The following UBAP2L variants were observed in gnomAD, a reference collection of about 807,000 sequenced individuals.
The protein encoded by UBAP2L is ubiquitin-associated protein 2-like.
Under a neutral mutation model 130.6 loss-of-function variants are expected in UBAP2L, and 12 were observed. That is an observed-to-expected ratio of 0.09 (90% confidence interval 0.06 to 0.15). UBAP2L has a LOEUF of 0.15. UBAP2L is among the 10% of genes least tolerant of loss of function. The pLI is 1.00. For missense variants in UBAP2L, 965 were observed against 1,332.5 expected, an observed-to-expected ratio of 0.72 and a Z score of 4.29; for synonymous variants, 503 against 524.7, an observed-to-expected ratio of 0.96 and a Z score of 0.57.
At position 154,228,487 on chromosome 1, in the gene UBAP2L, C is replaced by T. The variant is rs1668720559; in HGVS notation, c.169-128C>T. 2.1e-5 allele frequency: 14 copies of T among 657,598 alleles called. No individual in the cohort carries two copies. The South Asian group carries it at 2.4e-4, about 11-fold the overall frequency. 40.7% of individuals were successfully genotyped at this position (657,598 alleles called of 1,614,324 possible). On this transcript the variant is annotated intron_variant, in intron 3 of 26. Coordinates refer to ENST00000428931, the MANE Select transcript of UBAP2L (RefSeq NM_014847.4). ...TAGGCGTGAGCCACTGTGCCCAGCC[C>T]TCATCTTTTGCTTTTTAAACTTGTT...
chr1:154,269,268 C>A, intron 26 of UBAP2L: 1 of 1,260,706 alleles, frequency 7.9e-7, no homozygotes, highest in Middle Eastern at 1.9e-4. Flanking sequence ...CCAGCCTTCC[C>A]TCTTCCCTGA....
rs1443908596 is a variant in UBAP2L at position 154,268,737 on chromosome 1, C to T, written c.2971-20C>T. 6.2e-7 allele frequency: 1 copy of T among 1,613,260 alleles called. No individual in the cohort carries two copies. The highest frequency in any genetic ancestry group is 8.5e-7 in the Non-Finnish European group (1 of 1,179,570). On this transcript the variant is annotated intron_variant, in intron 25 of 26. Transcript: ENST00000428931. ...TTTGCTGATCCCTTTTACTCTGTCTCCTCCTGGCCTCCTGGATAGCAGTCC... is the reference window on the plus strand; with the variant it reads ...TTTGCTGATCCCTTTTACTCTGTCTTCTCCTGGCCTCCTGGATAGCAGTCC...
intron 12 of UBAP2L, among the ~76,000 whole-genome samples, chr1:154,250,145 T>C (rs538328172): frequency 1.5e-4 from 23 of 152,164 alleles, no homozygotes; most frequent in Non-Finnish European, 2.9e-4. Flanking sequence ...GGCTCACTCA[T>C]CTTCCTGGGC....
intron 22 of UBAP2L, among the ~76,000 whole-genome samples, chr1:154,260,687 T>C (rs955631731): frequency 2.0e-5 from 3 of 152,222 alleles, no homozygotes; most frequent in East Asian, 1.9e-4. Flanking sequence ...TGCACAGTTA[T>C]TCAACATTAG....
At chr1:154,234,432 T>C (rs1430092403) in intron 4 of UBAP2L, among the ~76,000 whole-genome samples, 159 bp from the exon 5 acceptor site, 1 of 151,956 alleles carries the variant, frequency 6.6e-6, no homozygotes, top group East Asian at 1.9e-4. Context: ...GTGATATGTA[T>C]AAAATATTTA....
chr1:154,261,253 G>A (rs1681438569), intron 23 of UBAP2L, 144 bp downstream of exon 23: 1 of 992,570 alleles, frequency 1.0e-6, no homozygotes, highest in Non-Finnish European at 1.5e-6. Context: ...CTGATGCAGG[G>A]TGGTGGGGGA....
intron 12 of UBAP2L, among the ~76,000 whole-genome samples, 168 bp downstream of exon 12, chr1:154,249,605 G>A (rs1676794320): frequency 6.6e-6 from 1 of 152,122 alleles, no homozygotes; most frequent in Non-Finnish European, 1.5e-5. Context: ...AATTCAAGAA[G>A]TTGGGGAATA....
intron 4 of UBAP2L, among the ~76,000 whole-genome samples, chr1:154,233,651 C>CTGTGTGTGTGTGTG (rs61695071): frequency 1.4e-4 from 20 of 146,080 alleles, no homozygotes; most frequent in African/African-American, 5.2e-4. Context: ...AATGAAATTG[C>CTGTGTGTGTGTGTG]TGTGTGTGTG....
intron 16 of UBAP2L, 94 bp downstream of exon 16, chr1:154,254,984 AC>A: frequency 6.8e-7 from 1 of 1,464,694 alleles, no homozygotes; most frequent in Non-Finnish European, 9.3e-7. Context: ...GACAATTGAG[AC>A]CCATGCTGTG....
chr1:154,225,007 TG>T, intron 1 of UBAP2L, 76 bp from the exon 2 acceptor site: 2 of 807,272 alleles, frequency 2.5e-6, no homozygotes, highest in Non-Finnish European at 4.0e-6. Flanking sequence ...AAGTGTTTGG[TG>T]GTGAAGGTGC....
At chr1:154,224,104 C>A (rs978143254) in intron 1 of UBAP2L, among the ~76,000 whole-genome samples, 3 of 152,174 alleles carry the variant, frequency 2.0e-5, no homozygotes, top group African/African-American at 7.2e-5. Context: ...TAGAATCCTT[C>A]CTTGTTAGAA....
Position 154,270,307 on chromosome 1 carries a change from T to C in UBAP2L, c.*12T>C. Reference sequence around the variant, plus strand: ...GGGGGGCCAACTGAGGCCCTGACCCTCTTCTCCCGGTCCCATCTTCTGAGA... The same window carrying C: ...GGGGGGCCAACTGAGGCCCTGACCCCCTTCTCCCGGTCCCATCTTCTGAGA... On this transcript the variant is annotated 3_prime_UTR_variant, in exon 27 of 27. Coordinates refer to ENST00000428931, the MANE Select transcript of UBAP2L (RefSeq NM_014847.4). The C allele has an allele frequency of 6.2e-7, 1 of 1,613,842 alleles. No homozygotes were observed. Among genetic ancestry groups the C allele is most frequent in the Non-Finnish European group, 8.5e-7 (1 of 1,179,926 alleles).
chr1:154,234,939 C>A, intron 5 of UBAP2L, 180 bp downstream of exon 5: 1 of 790,578 alleles, frequency 1.3e-6, no homozygotes, highest in Non-Finnish European at 2.0e-6. Context: ...CAACTGCCAC[C>A]AGTCTGGCAT....
At chr1:154,268,188 C>CT (rs531122983) in intron 25 of UBAP2L, among the ~76,000 whole-genome samples, 41 of 149,440 alleles carry the variant, frequency 2.7e-4, no homozygotes, top group African/African-American at 7.4e-4. Flanking sequence ...TGCGCCCAGC[C>CT]TTTTTTTTTC....
Position 154,246,535 on chromosome 1 carries a change from G to C in UBAP2L, c.1014+160G>C, listed in dbSNP as rs1011076853. Among the ~76,000 whole-genome samples, 244 of 152,220 alleles carry C rather than the reference G, an allele frequency of 1.6e-3. 1 individual carries two copies. The highest frequency in any genetic ancestry group is 6.3e-3 in the Admixed American group (96 of 15,290). ...AGAAATGTTTGAGTTGGGTAATAGG[G>C]GGTAGCTCTAAGAGAGGACTTAGTT... On this transcript the variant is annotated intron_variant, in intron 11 of 26. Transcript: ENST00000428931.
In UBAP2L at chr1:154,236,448, C is replaced by G. The variant is rs982311890; in HGVS notation, c.545-118C>G. The G allele has an allele frequency of 1.7e-5, 18 of 1,056,580 alleles. No individual in the cohort carries two copies. In the African/African-American group the frequency reaches 1.9e-4, roughly 11 times the overall value. 65.5% of individuals were successfully genotyped at this position (1,056,580 alleles called of 1,614,324 possible). A position where few individuals can be genotyped will look rare whatever the true frequency, so the allele number is the denominator to read the frequency against. On this transcript the variant is annotated intron_variant, in intron 6 of 26. Coordinates refer to ENST00000428931, the MANE Select transcript of UBAP2L (RefSeq NM_014847.4). ...TTCTGGATGCAACCAATCCGCCCGC[C>G]CTCAGCCTTTCAAAGTGCTGGGATT...
At chr1:154,265,108 TC>T (rs1311860105) in intron 24 of UBAP2L, among the ~76,000 whole-genome samples, 1 of 152,236 alleles carries the variant, frequency 6.6e-6, no homozygotes, top group African/African-American at 2.4e-5. Flanking sequence ...CCGTTATTTT[TC>T]CTAGTTAGTG....
At chr1:154,254,159 T>C in intron 15 of UBAP2L, 70 bp downstream of exon 15, 1 of 1,360,344 alleles carries the variant, frequency 7.4e-7, no homozygotes, top group Non-Finnish European at 9.7e-7. Flanking sequence ...AATATTAGTG[T>C]TTTACTTTTC....
intron 8 of UBAP2L, among the ~76,000 whole-genome samples, chr1:154,239,663 C>T (rs1444481240): frequency 6.6e-6 from 1 of 152,198 alleles, no homozygotes; most frequent in East Asian, 1.9e-4. Flanking sequence ...TTCCTCCTTT[C>T]CATCCCAGTT....
Sources: allele counts gnomAD v4.1 joint callset (sites outside exome capture counted in the v4.1 genomes callset), GRCh38; gene constraint gnomAD v4.1.1; transcripts MANE v1.5; gene names NCBI Gene and HGNC (gene_info 2026-07-23, HGNC 2026-07-21).